Variants in GORASP2 observed in about 807,000 individuals in gnomAD.
GORASP2 encodes the protein Golgi reassembly-stacking protein 2.
In GORASP2, 22 loss-of-function variants were observed where a neutral mutation model predicts 45.7. The observed-to-expected ratio is 0.48, with a 90% CI of 0.34 to 0.69. GORASP2 has a LOEUF of 0.69. GORASP2 is among the 30% of genes least tolerant of loss of function. The pLI, the probability that GORASP2 is intolerant of heterozygous loss-of-function variation, is 0.01. For missense variants in GORASP2, 491 were observed against 562.7 expected, an observed-to-expected ratio of 0.87 and a Z score of 1.29; for synonymous variants, 221 against 215.6, an observed-to-expected ratio of 1.02 and a Z score of -0.22.
intron 5 of GORASP2, among the ~76,000 whole-genome samples, chr2:170,952,848 A>T (rs1704327901): frequency 6.6e-6 from 1 of 152,122 alleles, no homozygotes; most frequent in Admixed American, 6.5e-5. Context: ...CTAATTTAGA[A>T]ACTCTTTTTT....
chr2:170,962,889 A>AACCTCC lies in GORASP2; in HGVS notation c.962_967dup (p.Leu322_Pro323insHisLeu). 2 of 1,613,792 alleles carry AACCTCC rather than the reference A, an allele frequency of 1.2e-6. No individual in the cohort carries two copies. Among genetic ancestry groups the AACCTCC allele is most frequent in the African/African-American group, 1.3e-5 (1 of 74,902 alleles). ...GCCCAACCTCCCCAACCTCAACCTC[A>AACCTCC]ACCTCCCAGCACCACACATCATGCC... is the stretch of plus-strand genomic sequence containing the variant. On this transcript the variant is annotated inframe_insertion, in exon 9 of 10. Transcript: ENST00000234160.
intron 1 of GORASP2, chr2:170,929,881 C>T: frequency 7.2e-6 from 3 of 415,730 alleles, no homozygotes; most frequent in South Asian, 4.9e-5. Flanking sequence ...ATCACCTCGG[C>T]GCCGGCCGAG....
intron 9 of GORASP2, among the ~76,000 whole-genome samples, chr2:170,963,652 G>GT (rs1294239940): frequency 6.6e-6 from 1 of 151,858 alleles, no homozygotes; most frequent in East Asian, 1.9e-4. Flanking sequence ...GTTTTGTTTA[G>GT]TTTTTTTGAG....
intron 1 of GORASP2, among the ~76,000 whole-genome samples, chr2:170,937,124 C>G (rs1206210832): frequency 6.6e-6 from 1 of 151,948 alleles, no homozygotes; most frequent in African/African-American, 2.4e-5. Context: ...AGGAGAATCG[C>G]TTGAACCCTG....
chr2:170,941,390 C>T (rs1414779986), intron 1 of GORASP2, among the ~76,000 whole-genome samples: 1 of 152,130 alleles, frequency 6.6e-6, no homozygotes, highest in African/African-American at 2.4e-5. Flanking sequence ...AGTGTAACCT[C>T]AGTATACTTG....
intron 1 of GORASP2, among the ~76,000 whole-genome samples, chr2:170,932,327 T>C (rs1039053670): frequency 6.6e-6 from 1 of 152,244 alleles, no homozygotes; most frequent in African/African-American, 2.4e-5. Flanking sequence ...TTCTCAGTTG[T>C]TGACCTATCT....
At chr2:170,929,248 G>C (rs552106849), upstream of GORASP2, 65 of 1,018,570 alleles carry the variant, frequency 6.4e-5, no homozygotes, top group Non-Finnish European at 8.0e-5. Context: ...CGAGTGCCAC[G>C]TCCCAAGTGC....
At position 170,929,258 on chromosome 2, in the gene GORASP2, C is replaced by CT; in HGVS notation, c.-82dup. ...GGCAGCGAGTGCCACGTCCCAAGTG[C>CT]TACGCGGAGGATTAGAGCAGGCGGT... is the stretch of plus-strand genomic sequence containing the variant. On this transcript the variant is annotated 5_prime_UTR_variant, in exon 1 of 10. Coordinates refer to ENST00000234160, the MANE Select transcript of GORASP2 (RefSeq NM_015530.5). 1 of 1,116,704 alleles carries CT rather than the reference C, an allele frequency of 9.0e-7. No individual in the cohort carries two copies. The highest frequency in any genetic ancestry group is 2.5e-5 in the South Asian group (1 of 40,288). The allele number at this position is 1,116,704 out of a possible 1,614,324, so 69.2% of individuals were successfully genotyped here. A position where few individuals can be genotyped will look rare whatever the true frequency, so the allele number is the denominator to read the frequency against.
chr2:170,936,352 G>T (rs1284122379), intron 1 of GORASP2, among the ~76,000 whole-genome samples: 1 of 149,946 alleles, frequency 6.7e-6, no homozygotes, highest in African/African-American at 2.5e-5. Context: ...TCAGCCTCCT[G>T]AGTAGCTTAC....
chr2:170,962,853 C>T lies in GORASP2; in HGVS notation c.925C>T (p.Pro309Ser). ...CTTCTCTTCAGGTCTGATGCCTTTA[C>T]CAGCAGGACTGCCCAACCTCCCCAA... ...ATTLPGLMPL[P>S]AGLPNLPNLN... Residue 309 changes from proline to serine, a missense_variant, in exon 9 of 10, where the codon CCA (proline) becomes TCA (serine). Coordinates refer to ENST00000234160, the MANE Select transcript of GORASP2 (RefSeq NM_015530.5). The T allele has an allele frequency of 6.2e-7, 1 of 1,612,932 alleles. No individual in the cohort carries two copies. The highest frequency in any genetic ancestry group is 1.3e-5 in the African/African-American group (1 of 74,988).
chr2:170,965,703 G>A, intron 9 of GORASP2, 87 bp from the exon 10 acceptor site: 2 of 937,096 alleles, frequency 2.1e-6, no homozygotes, highest in South Asian at 1.4e-5. Context: ...TTTCCTTAAT[G>A]AAATGTAAAT....
chr2:170,945,258 C>T lies in GORASP2; in HGVS notation c.64-3092C>T, dbSNP rs146145629. On this transcript the variant is annotated intron_variant, in intron 1 of 9. Transcript: ENST00000234160. ...GGAGGATCACTTGAGACTAGGAGTT[C>T]GAGACCTGCATTGGCAACATAGCAA... Among the ~76,000 whole-genome samples the T allele has an allele frequency of 5.1e-4, 78 of 151,952 alleles. 1 individual carries two copies. The East Asian group carries it at 0.011, about 21-fold the overall frequency.
At chr2:170,936,884 A>AAATT (rs1040153879) in intron 1 of GORASP2, among the ~76,000 whole-genome samples, 4 of 152,108 alleles carry the variant, frequency 2.6e-5, no homozygotes, top group Non-Finnish European at 2.9e-5. Flanking sequence ...AGCGTCTCTA[A>AAATT]AATTAATTAA....
chr2:170,954,582 A>C (rs1018154448), intron 5 of GORASP2, 68 bp from the exon 6 acceptor site: 173 of 1,170,322 alleles, frequency 1.5e-4, no homozygotes, highest in Admixed American at 3.1e-4. Flanking sequence ...CGCCCCCCCC[A>C]AAAAAAACAC....
chr2:170,929,184 C>G (rs1480409212), upstream of GORASP2: 1 of 504,728 alleles, frequency 2.0e-6, no homozygotes, highest in East Asian at 3.6e-5. Flanking sequence ...GCGGCCCGGG[C>G]TGCAGCAGAG....
intron 1 of GORASP2, 72 bp downstream of exon 1, chr2:170,929,475 C>T: frequency 1.7e-6 from 2 of 1,164,332 alleles, no homozygotes; most frequent in South Asian, 2.2e-5. Flanking sequence ...CGGAGGCCCC[C>T]ATGGGCTCCT....
intron 1 of GORASP2, among the ~76,000 whole-genome samples, chr2:170,935,342 C>T (rs997349964): frequency 2.0e-5 from 3 of 151,898 alleles, no homozygotes; most frequent in African/African-American, 7.3e-5. Context: ...GCAACTTCCG[C>T]CACTCCAGTT....
intron 5 of GORASP2, chr2:170,954,098 TAGAAG>T (rs1329823793): frequency 6.6e-6 from 1 of 152,346 alleles, no homozygotes; most frequent in East Asian, 1.9e-4. Flanking sequence ...GAGGATGAAA[TAGAAG>T]AGATCTGGGT....
intron 1 of GORASP2, among the ~76,000 whole-genome samples, chr2:170,948,138 A>C (rs1257276587): frequency 6.6e-6 from 1 of 152,162 alleles, no homozygotes; most frequent in African/African-American, 2.4e-5. Context: ...AAATAAAATA[A>C]AAATATAAAT....
Sources: gnomAD v4.1 joint callset for allele counts (sites outside exome capture counted in the v4.1 genomes callset) on GRCh38, gnomAD v4.1.1 for gene constraint, MANE v1.5 for transcripts, NCBI Gene and HGNC (gene_info 2026-07-23, HGNC 2026-07-21) for gene names.